KDM7A: variants seen among roughly 807,000 people sequenced by gnomAD.
KDM7A encodes the protein lysine-specific demethylase 7A.
A neutral mutation model predicts 114.8 loss-of-function variants in KDM7A; 28 were observed. The observed-to-expected ratio is 0.24, with a 90% CI of 0.18 to 0.33. The LOEUF is 0.33. KDM7A is among the 10% of genes least tolerant of loss of function. KDM7A has a pLI of 1.00. For synonymous variants in KDM7A, 423 were observed against 397.8 expected (o/e 1.06, Z -0.75); for missense variants, 942 against 1,142.5 (o/e 0.82, Z 2.53).
intron 11 of KDM7A, among the ~76,000 whole-genome samples, chr7:140,107,639 C>A (rs1818360704): frequency 6.6e-6 from 1 of 152,200 alleles, no homozygotes; most frequent in South Asian, 2.1e-4. Flanking sequence ...GCCGAGAGAT[C>A]CGCTGTCAGT....
intron 1 of KDM7A, among the ~76,000 whole-genome samples, chr7:140,143,828 T>A (rs1794311568): frequency 6.6e-6 from 1 of 152,236 alleles, no homozygotes; most frequent in Non-Finnish European, 1.5e-5. Flanking sequence ...TATTACACTT[T>A]GCTTTTGAGT....
At chr7:140,134,196 A>T (rs111618742) in intron 2 of KDM7A, among the ~76,000 whole-genome samples, 131 of 152,344 alleles carry the variant, frequency 8.6e-4, no homozygotes, top group African/African-American at 2.8e-3. Context: ...GCATGACAAA[A>T]TACATAACTT....
intron 1 of KDM7A, 62 bp from the exon 2 acceptor site, chr7:140,139,252 T>A: frequency 1.8e-6 from 2 of 1,127,630 alleles, no homozygotes; most frequent in Non-Finnish European, 2.7e-6. Context: ...TTAACTATAA[T>A]ACAGTGGTTG....
chr7:140,176,383 C>A lies in KDM7A; in HGVS notation c.194+361G>T, dbSNP rs918415980. On this transcript the variant is annotated intron_variant, in intron 1 of 19. Coordinates refer to ENST00000397560, the MANE Select transcript of KDM7A (RefSeq NM_030647.2). This position sits in a 1 kb window ranked among gnomAD's most constrained non-coding sequence, Gnocchi z 4.4. ...CGGGGCGGGGCGGCGGCGGCCCGGG[C>A]TGGCGAGGGGCTGCGGACCCGGCCG... Among the ~76,000 whole-genome samples, 2 of 138,318 alleles carry A rather than the reference C, an allele frequency of 1.4e-5. No individual in the cohort carries two copies. Among genetic ancestry groups the A allele is most frequent in the African/African-American group, 5.1e-5 (2 of 38,984 alleles). The allele number at this position is 138,318 out of a possible 152,430, so 90.7% of individuals were successfully genotyped here. A position where few individuals can be genotyped will look rare whatever the true frequency, so the allele number is the denominator to read the frequency against.
chr7:140,124,069 C>CA (rs71170945), intron 7 of KDM7A, among the ~76,000 whole-genome samples: 131 of 112,646 alleles, frequency 1.2e-3, no homozygotes, highest in Middle Eastern at 4.9e-3. Flanking sequence ...GACTCTGTCT[C>CA]AAAAAAAAAA....
At position 140,087,586 on chromosome 7, in the gene KDM7A, CTTAA is replaced by C. The variant is rs1412218803; in HGVS notation, c.*3504_*3507del. On this transcript the variant is annotated 3_prime_UTR_variant, in exon 20 of 20. Transcript: ENST00000397560. ...TATGTATGAAGTGTTAAGAGATTTT[CTTAA>C]TTGATTATCATAATAAACACTTTAA... 3 of 152,162 alleles carry C rather than the reference CTTAA, an allele frequency of 2.0e-5. No homozygotes were observed. The highest frequency in any genetic ancestry group is 6.5e-5 in the Admixed American group (1 of 15,272). The allele number at this position is 152,162 out of a possible 1,614,324, so 9.4% of individuals were successfully genotyped here. A position where few individuals can be genotyped will look rare whatever the true frequency, so the allele number is the denominator to read the frequency against.
intron 11 of KDM7A, among the ~76,000 whole-genome samples, chr7:140,102,738 T>C (rs772322310): frequency 1.3e-5 from 2 of 152,224 alleles, no homozygotes; most frequent in Non-Finnish European, 2.9e-5. Context: ...TCTGACCTAA[T>C]ACTTACTGGT....
intron 1 of KDM7A, among the ~76,000 whole-genome samples, chr7:140,156,002 T>C (rs1435923682): frequency 6.6e-6 from 1 of 152,264 alleles, no homozygotes; most frequent in Non-Finnish European, 1.5e-5. Flanking sequence ...AGTTTTCTTA[T>C]ATGCCAATTA....
intron 7 of KDM7A, among the ~76,000 whole-genome samples, chr7:140,122,585 C>A (rs568752239): frequency 6.6e-6 from 1 of 152,226 alleles, no homozygotes; most frequent in Non-Finnish European, 1.5e-5. Context: ...GCAGGACCTG[C>A]AGGGACAGAT....
intron 1 of KDM7A, among the ~76,000 whole-genome samples, chr7:140,169,023 T>C (rs185191569): frequency 2.6e-5 from 4 of 152,312 alleles, no homozygotes; most frequent in Admixed American, 6.5e-5. Context: ...GCAATTAGTG[T>C]ATTTCCTAGC....
intron 1 of KDM7A, among the ~76,000 whole-genome samples, chr7:140,155,475 C>A (rs1377608273): frequency 1.3e-5 from 2 of 152,200 alleles, no homozygotes; most frequent in Non-Finnish European, 2.9e-5. Flanking sequence ...TGCCAAATCC[C>A]TTTTGCACAG....
At chr7:140,157,146 A>G (rs1794465942) in intron 1 of KDM7A, among the ~76,000 whole-genome samples, 1 of 152,254 alleles carries the variant, frequency 6.6e-6, no homozygotes, top group African/African-American at 2.4e-5. Context: ...GAAATCCACA[A>G]TTGAGCTGTA....
rs181963276 is a variant in KDM7A at position 140,125,110 on chromosome 7, C to T, written c.889-327G>A. Among the ~76,000 whole-genome samples, 6 of 152,254 alleles carry T rather than the reference C, an allele frequency of 3.9e-5. No homozygotes were observed. The East Asian group carries it at 1.2e-3, about 29-fold the overall frequency. On this transcript the variant is annotated intron_variant, in intron 6 of 19. Transcript: ENST00000397560. ...AGAGAAGTAAATATGTGTTGACAGG[C>T]CCACAGTCATCTCTGCAAGCTTTGC...
intron 11 of KDM7A, among the ~76,000 whole-genome samples, chr7:140,109,748 T>C (rs1389052119): frequency 1.3e-5 from 2 of 152,234 alleles, no homozygotes; most frequent in Middle Eastern, 3.2e-3. Context: ...CTCTTAAACA[T>C]GCACATACCT....
chr7:140,115,365 T>TGGGGAAAA (rs963776607), intron 9 of KDM7A, among the ~76,000 whole-genome samples: 2 of 152,168 alleles, frequency 1.3e-5, no homozygotes, highest in Admixed American at 6.5e-5. Context: ...GGGGAAAATG[T>TGGGGAAAA]GGGGAAAAGA....
intron 11 of KDM7A, 52 bp from the exon 12 acceptor site, chr7:140,102,212 CGTGACTAAAT>C: frequency 8.2e-7 from 1 of 1,225,196 alleles, no homozygotes; most frequent in East Asian, 2.3e-5. Flanking sequence ...TACACACATA[CGTGACTAAAT>C]AATCATCCAT....
intron 1 of KDM7A, among the ~76,000 whole-genome samples, chr7:140,152,773 C>G (rs1356713599): frequency 3.3e-5 from 5 of 152,158 alleles, no homozygotes; most frequent in African/African-American, 1.2e-4. Flanking sequence ...ATGTAAAGTA[C>G]ATAAAGTGTA....
At chr7:140,094,204 A>G (rs572515113) in intron 17 of KDM7A, 66 bp from the exon 18 acceptor site, 2 of 989,064 alleles carry the variant, frequency 2.0e-6, no homozygotes, top group Admixed American at 1.7e-5. Context: ...AATTAGCCTA[A>G]TGCTTAAAAA....
chr7:140,147,064 T>A (rs1467670692), intron 1 of KDM7A, among the ~76,000 whole-genome samples: 1 of 151,910 alleles, frequency 6.6e-6, no homozygotes, highest in African/African-American at 2.4e-5. Flanking sequence ...CCCAAATTCC[T>A]CCTCCTTGAT....
Sources: allele counts gnomAD v4.1 joint callset (sites outside exome capture counted in the v4.1 genomes callset), GRCh38; gene constraint gnomAD v4.1.1; non-coding constraint Gnocchi (gnomAD v3.1); transcripts MANE v1.5; gene names NCBI Gene and HGNC (gene_info 2026-07-23, HGNC 2026-07-21).